Variants in NEGR1 observed in about 807,000 individuals in gnomAD.
NEGR1 encodes neuronal growth regulator 1.
NEGR1 carries 10 observed loss-of-function variants against 40.9 expected under a neutral mutation model. The ratio of observed to expected loss-of-function variants is 0.24; its 90% CI spans 0.15 to 0.42. The LOEUF (loss-of-function observed/expected upper bound fraction) is 0.42, where lower values mean the gene tolerates loss of function less well. Among genes scored for constraint, NEGR1 ranks in the 10% least tolerant of loss-of-function variants. The pLI, the probability that NEGR1 is intolerant of heterozygous loss-of-function variation, is 1.00. For synonymous variants in NEGR1, 185 were observed against 166.8 expected (o/e 1.11, Z -0.84); for missense variants, 352 against 438.9 (o/e 0.80, Z 1.77).
At chr1:71,782,373 C>A (rs534623639) in intron 2 of NEGR1, among the ~76,000 whole-genome samples, 1 of 152,146 alleles carries the variant, frequency 6.6e-6, no homozygotes, top group African/African-American at 2.4e-5. Context: ...TTTTATAGCG[C>A]CTGAATGTAC....
chr1:72,202,760 T>G (rs1311365990), intron 1 of NEGR1, among the ~76,000 whole-genome samples: 1 of 152,000 alleles, frequency 6.6e-6, no homozygotes, highest in Non-Finnish European at 1.5e-5. Flanking sequence ...AAGGACAGGG[T>G]GACTCTGTTA....
intron 1 of NEGR1, among the ~76,000 whole-genome samples, chr1:72,234,956 C>T (rs1344684979): frequency 6.6e-6 from 1 of 152,056 alleles, no homozygotes; most frequent in African/African-American, 2.4e-5. Flanking sequence ...ATTATGAAGA[C>T]ACATGTATGT....
intron 1 of NEGR1, among the ~76,000 whole-genome samples, chr1:71,941,785 G>A (rs1645961798): frequency 6.6e-6 from 1 of 152,020 alleles, no homozygotes; most frequent in Admixed American, 6.6e-5. Context: ...TTTTAAGCAT[G>A]TTATGTATAT....
chr1:72,238,401 A>G (rs568673905), intron 1 of NEGR1, among the ~76,000 whole-genome samples: 3 of 152,072 alleles, frequency 2.0e-5, no homozygotes, highest in East Asian at 1.9e-4. Flanking sequence ...TAAAACATGT[A>G]TATCGAATTG....
chr1:71,493,383 T>C (rs1235828215), intron 6 of NEGR1, among the ~76,000 whole-genome samples: 1 of 152,132 alleles, frequency 6.6e-6, no homozygotes, highest in Non-Finnish European at 1.5e-5. Flanking sequence ...AAAACCTTCT[T>C]ACTTAATTTG....
intron 3 of NEGR1, among the ~76,000 whole-genome samples, chr1:71,775,554 C>T (rs1175020821): frequency 1.3e-5 from 2 of 152,014 alleles, no homozygotes; most frequent in African/African-American, 4.8e-5. Flanking sequence ...CCATGACAGC[C>T]AGGCAGGACT....
intron 1 of NEGR1, among the ~76,000 whole-genome samples, chr1:72,246,405 T>A (rs1654904732): frequency 6.6e-6 from 1 of 152,200 alleles, no homozygotes; most frequent in African/African-American, 2.4e-5. Context: ...GCAAATTTAA[T>A]TCACTCCAAA....
chr1:71,674,681 A>G (rs1350478731), intron 4 of NEGR1, among the ~76,000 whole-genome samples: 1 of 151,818 alleles, frequency 6.6e-6, no homozygotes, highest in African/African-American at 2.4e-5. Context: ...AGCTTTTTCA[A>G]TGAGTTAAGA....
chr1:71,787,730 C>T (rs560761320), intron 2 of NEGR1, among the ~76,000 whole-genome samples: 1 of 152,234 alleles, frequency 6.6e-6, no homozygotes, highest in East Asian at 1.9e-4. Context: ...TAAAGAGTGC[C>T]TGCAGATTTG....
intron 3 of NEGR1, among the ~76,000 whole-genome samples, chr1:71,736,467 C>T (rs1411493152): frequency 1.3e-5 from 2 of 152,056 alleles, no homozygotes; most frequent in African/African-American, 4.8e-5. Flanking sequence ...CCCCTAAGTT[C>T]GAGCAGCAAT....
At chr1:71,472,971 A>G (rs1321159232) in intron 6 of NEGR1, among the ~76,000 whole-genome samples, 1 of 152,130 alleles carries the variant, frequency 6.6e-6, no homozygotes, top group Non-Finnish European at 1.5e-5. Context: ...AAAGTGAACC[A>G]TGAGAGAAAT....
At chr1:71,614,381 C>A (rs1002134013) in intron 4 of NEGR1, among the ~76,000 whole-genome samples, 2 of 151,866 alleles carry the variant, frequency 1.3e-5, no homozygotes, top group African/African-American at 4.8e-5. Flanking sequence ...CACAAGAAAT[C>A]ATTTCATAAT....
At chr1:71,668,451 G>T (rs567875967) in intron 4 of NEGR1, among the ~76,000 whole-genome samples, 1 of 152,240 alleles carries the variant, frequency 6.6e-6, no homozygotes, top group East Asian at 1.9e-4. Context: ...GCAAACAGGA[G>T]AATTAAAAGT....
intron 2 of NEGR1, among the ~76,000 whole-genome samples, chr1:71,833,493 G>GA (rs905039395): frequency 3.3e-5 from 5 of 152,028 alleles, no homozygotes; most frequent in African/African-American, 2.4e-5. Context: ...TTTCTGGGGG[G>GA]AAAAAAGTAT....
At chr1:71,491,114 A>T (rs1479175256) in intron 6 of NEGR1, among the ~76,000 whole-genome samples, 1 of 152,020 alleles carries the variant, frequency 6.6e-6, no homozygotes, top group South Asian at 2.1e-4. Flanking sequence ...GATCAAAAAT[A>T]TTTAAAAAAT....
At chr1:72,011,073 T>G (rs1646653122) in intron 1 of NEGR1, among the ~76,000 whole-genome samples, 1 of 152,190 alleles carries the variant, frequency 6.6e-6, no homozygotes, top group South Asian at 2.1e-4. Flanking sequence ...AAACTAAATA[T>G]TCCTTTCAAG....
At chr1:71,981,619 G>A (rs762367822) in intron 1 of NEGR1, among the ~76,000 whole-genome samples, 1 of 152,160 alleles carries the variant, frequency 6.6e-6, no homozygotes, top group Non-Finnish European at 1.5e-5. Flanking sequence ...AAGATTATGG[G>A]AGACCTATCA....
chr1:71,750,151 G>A (rs886454236), intron 3 of NEGR1, among the ~76,000 whole-genome samples: 2 of 151,842 alleles, frequency 1.3e-5, no homozygotes, highest in South Asian at 2.1e-4. Flanking sequence ...CCGCCACCGC[G>A]CCCGGCTAAT....
chr1:71,909,139 G>A (rs1011682347), intron 2 of NEGR1, among the ~76,000 whole-genome samples: 15 of 152,078 alleles, frequency 9.9e-5, no homozygotes, highest in African/African-American at 3.6e-4. Flanking sequence ...ATTTGCTTCA[G>A]TTCTCTGTGG....
Sources: allele counts gnomAD v4.1 joint callset (sites outside exome capture counted in the v4.1 genomes callset), GRCh38; gene constraint gnomAD v4.1.1; transcripts MANE v1.5; gene names NCBI Gene and HGNC (gene_info 2026-07-23, HGNC 2026-07-21).